Variants in RFNG observed in about 807,000 individuals in gnomAD.
RFNG encodes the protein beta-1,3-N-acetylglucosaminyltransferase radical fringe.
A neutral mutation model predicts 29.6 loss-of-function variants in RFNG; 37 were observed. That is an observed-to-expected ratio of 1.25 (90% CI 0.96 to 1.65). The LOEUF (loss-of-function observed/expected upper bound fraction) is 1.65. RFNG is among the 40% of genes most tolerant of loss of function. The pLI is 0.00. For missense variants in RFNG, 546 were observed against 457.0 expected, an observed-to-expected ratio of 1.19 and a Z score of -1.78; for synonymous variants, 276 against 197.3, an observed-to-expected ratio of 1.40 and a Z score of -3.34.
intron 4 of RFNG, 196 bp from the exon 5 acceptor site, chr17:82,050,202 C>T (rs2030264204): frequency 1.3e-6 from 1 of 783,042 alleles, no homozygotes; most frequent in African/African-American, 1.7e-5. Flanking sequence ...CCCACCTGGC[C>T]CAGACACCCC....
chr17:82,051,402 C>T lies in RFNG; in HGVS notation c.268-60G>A. On this transcript the variant is annotated intron_variant, in intron 1 of 7. Transcript: ENST00000310496. This position sits in a 1 kb window ranked among gnomAD's most constrained non-coding sequence, Gnocchi z 4.1. ...GCTGCCCAGGCCGGAGACCGACCCG[C>T]CCCGCGCGGAGCCTCCGGGGGCCTG... is the stretch of plus-strand genomic sequence containing the variant. 1.4e-6 allele frequency: 2 copies of T among 1,410,174 alleles called. No homozygotes were observed. Among genetic ancestry groups the T allele is most frequent in the Non-Finnish European group, 1.8e-6 (2 of 1,084,860 alleles). 87.4% of individuals were successfully genotyped at this position (1,410,174 alleles called of 1,614,324 possible). A position where few individuals can be genotyped will look rare whatever the true frequency, so the allele number is the denominator to read the frequency against.
At position 82,048,315 on chromosome 17, in the gene RFNG, G is replaced by T. The variant is rs1568027622; in HGVS notation, c.*411C>A. 4.4e-6 allele frequency: 1 copy of T among 227,166 alleles called. No individual in the cohort carries two copies. The allele number at this position is 227,166 out of a possible 1,614,324, so 14.1% of individuals were successfully genotyped here. ...GCCTGCCAGGCTGAGCCCTTGCAAT[G>T]GCCGTGGCTGGGCCAGGACCTTGGC... On this transcript the variant is annotated 3_prime_UTR_variant, in exon 8 of 8. Coordinates refer to ENST00000310496, the MANE Select transcript of RFNG (RefSeq NM_002917.2).
Position 82,049,025 on chromosome 17 carries a change from A to G in RFNG, c.914+6T>C, listed in dbSNP as rs115326368. The G allele has an allele frequency of 2.9e-4, 467 of 1,612,416 alleles. No homozygotes were observed. In the African/African-American group the frequency reaches 5.3e-3, roughly 18 times the overall value. ...CGAGGGCCTGCCCATGCCACTACCT[A>G]CTCACCGTGTGGGGTCTTGATGCAG... On this transcript the variant is annotated splice_donor_region_variant and intron_variant, in intron 7 of 7. Transcript: ENST00000310496.
chr17:82,051,281 G>T lies in RFNG; in HGVS notation c.316+13C>A. 1 of 1,381,562 alleles carries T rather than the reference G, an allele frequency of 7.2e-7. No homozygotes were observed. Among genetic ancestry groups the T allele is most frequent in the Non-Finnish European group, 9.4e-7 (1 of 1,066,438 alleles). 85.6% of individuals were successfully genotyped at this position (1,381,562 alleles called of 1,614,324 possible). A position where few individuals can be genotyped will look rare whatever the true frequency, so the allele number is the denominator to read the frequency against. On this transcript the variant is annotated intron_variant, in intron 2 of 7. Transcript: ENST00000310496. The surrounding 1 kb of genome is among the most constrained non-coding windows in gnomAD (Gnocchi z 4.1). ...GCAGATCCCGCGGGCGCCGGGGAGT[G>T]GGGGACACTCACCGCCCTGGAGCTC... is the stretch of plus-strand genomic sequence containing the variant.
intron 6 of RFNG, chr17:82,049,372 T>C (rs2144195189): frequency 1.4e-6 from 1 of 698,378 alleles, no homozygotes; most frequent in Non-Finnish European, 2.6e-6. Context: ...CTGCTCCACG[T>C]GATGGGACCT....
chr17:82,049,019 C>T lies in RFNG; in HGVS notation c.914+12G>A. The T allele has an allele frequency of 6.2e-7, 1 of 1,611,716 alleles. No homozygotes were observed. The highest frequency in any genetic ancestry group is 8.5e-7 in the Non-Finnish European group (1 of 1,179,620). On this transcript the variant is annotated intron_variant, in intron 7 of 7. Transcript: ENST00000310496. ...CGGGGCCGAGGGCCTGCCCATGCCACTACCTACTCACCGTGTGGGGTCTTG... is the reference window on the plus strand; with the variant it reads ...CGGGGCCGAGGGCCTGCCCATGCCATTACCTACTCACCGTGTGGGGTCTTG...
chr17:82,050,389 C>A lies in RFNG; in HGVS notation c.573+13G>T, dbSNP rs1382170227. 1.9e-6 allele frequency: 3 copies of A among 1,561,558 alleles called. No individual in the cohort carries two copies. The highest frequency in any genetic ancestry group is 2.6e-6 in the Non-Finnish European group (3 of 1,159,712). ...AAGGCGTCTGCTCCGATGGCGTCTG[C>A]TCCGACACTCACAGTTCTGCCACCC... is the stretch of plus-strand genomic sequence containing the variant. On this transcript the variant is annotated intron_variant, in intron 4 of 7. Coordinates refer to ENST00000310496, the MANE Select transcript of RFNG (RefSeq NM_002917.2).
chr17:82,049,132 G>A lies in RFNG; in HGVS notation c.829-16C>T. 1.2e-6 allele frequency: 2 copies of A among 1,606,938 alleles called. No individual in the cohort carries two copies. Among genetic ancestry groups the A allele is most frequent in the Non-Finnish European group, 1.7e-6 (2 of 1,174,620 alleles). ...TCAAGGTAACCTGGGAGGGAAGGGT[G>A]TGGGCAGAGTGTGTGGCCTGGTCTG... On this transcript the variant is annotated splice_polypyrimidine_tract_variant and intron_variant, in intron 6 of 7. Transcript: ENST00000310496.
intron 7 of RFNG, 43 bp downstream of exon 7, chr17:82,048,988 C>G: frequency 6.3e-7 from 1 of 1,581,522 alleles, no homozygotes; most frequent in Non-Finnish European, 8.6e-7. Context: ...GATGCCAGAG[C>G]CCCTGCGGGG....
chr17:82,050,164 G>T, intron 4 of RFNG, 158 bp from the exon 5 acceptor site: 1 of 798,264 alleles, frequency 1.3e-6, no homozygotes. Flanking sequence ...GCTTCTGCAG[G>T]CCATTGACCC....
At position 82,049,231 on chromosome 17, in the gene RFNG, C is replaced by T. The variant is rs770774624; in HGVS notation, c.829-115G>A. The T allele has an allele frequency of 4.8e-6, 4 of 832,820 alleles. No homozygotes were observed. The South Asian group carries it at 5.7e-5, about 12-fold the overall frequency. 51.6% of individuals were successfully genotyped at this position (832,820 alleles called of 1,614,324 possible). A position where few individuals can be genotyped will look rare whatever the true frequency, so the allele number is the denominator to read the frequency against. ...TGCCCACCCCCTCTCCCCAGGCCCT[C>T]GGGGAGGCCAGGCTTGGAAACAGCA... On this transcript the variant is annotated intron_variant, in intron 6 of 7. Transcript: ENST00000310496.
In RFNG at chr17:82,048,642, G is replaced by C. The variant is rs2030068741; in HGVS notation, c.*84C>G. The C allele has an allele frequency of 2.7e-6, 3 of 1,107,940 alleles. No individual in the cohort carries two copies. The highest frequency in any genetic ancestry group is 4.1e-6 in the Non-Finnish European group (3 of 733,978). 68.6% of individuals were successfully genotyped at this position (1,107,940 alleles called of 1,614,324 possible). ...TCTCACTGGTGTGGCCGTGGCACCTGAGGGAGCCCACTGAGCCCATAGGGG... is the reference window on the plus strand; with the variant it reads ...TCTCACTGGTGTGGCCGTGGCACCTCAGGGAGCCCACTGAGCCCATAGGGG... On this transcript the variant is annotated 3_prime_UTR_variant, in exon 8 of 8. Transcript: ENST00000310496.
In RFNG at chr17:82,049,904, G is replaced by A. The variant is rs746516580; in HGVS notation, c.662+14C>T. The A allele has an allele frequency of 1.9e-6, 3 of 1,611,644 alleles. No individual in the cohort carries two copies. Among genetic ancestry groups the A allele is most frequent in the South Asian group, 1.1e-5 (1 of 90,810 alleles). On this transcript the variant is annotated intron_variant, in intron 5 of 7. Coordinates refer to ENST00000310496, the MANE Select transcript of RFNG (RefSeq NM_002917.2). ...CCTCCGCCTCCCAGCCCGGGCAGCT[G>A]GACCCCCACTCACCTGGCCCATGGG... is the stretch of plus-strand genomic sequence containing the variant.
At position 82,050,468 on chromosome 17, in the gene RFNG, G is replaced by A. The variant is rs761195974; in HGVS notation, c.507C>T (p.Val169=). ...LLSSFSPSQD[V]YLGRPSLDHP... ...GGTCCAGGCTGGGCCGCCCCAGGTA[G>A]ACGTCCTGGCTGGGTGAGAAGCTGG... The change falls in exon 4 of 8, where the codon GTC becomes GTT. Residue 169 remains valine, a synonymous_variant. Coordinates refer to ENST00000310496, the MANE Select transcript of RFNG (RefSeq NM_002917.2). The A allele has an allele frequency of 1.6e-5, 26 of 1,612,818 alleles. No individual in the cohort carries two copies. The Admixed American group carries it at 3.5e-4, about 22-fold the overall frequency.
intron 4 of RFNG, 140 bp downstream of exon 4, chr17:82,050,262 C>A (rs983265645): frequency 1.9e-6 from 2 of 1,066,468 alleles, no homozygotes; most frequent in Non-Finnish European, 2.6e-6. Flanking sequence ...TGAAACACCA[C>A]ATGCAAACCA....
chr17:82,050,799 G>A lies in RFNG; in HGVS notation c.317-35C>T, dbSNP rs572165128. ...AGAGACGGGAAGCACGCACGTAGAG[G>A]ATGGCACTGGGGTTGGGGTAAGGCC... is the stretch of plus-strand genomic sequence containing the variant. On this transcript the variant is annotated intron_variant, in intron 2 of 7. Transcript: ENST00000310496. 2.4e-3 allele frequency: 3,788 copies of A among 1,601,220 alleles called. 18 individuals are homozygous for A. In the Middle Eastern group the frequency reaches 0.025, roughly 10 times the overall value.
At chr17:82,048,848 A>T in intron 7 of RFNG, 41 bp from the exon 8 acceptor site, 1 of 1,541,524 alleles carries the variant, frequency 6.5e-7, no homozygotes, top group Non-Finnish European at 8.9e-7. Flanking sequence ...GTGGGCGGAG[A>T]GAGAAGCGGG....
chr17:82,050,232 A>G, intron 4 of RFNG, 170 bp downstream of exon 4: 1 of 869,638 alleles, frequency 1.1e-6, no homozygotes, highest in Non-Finnish European at 1.7e-6. Flanking sequence ...CAGTACGGTG[A>G]GGGCCTCCTG....
In RFNG at chr17:82,049,458, G is replaced by A. The variant is rs542996265; in HGVS notation, c.828+219C>T. ...GGGGCCTCACTGGCCCGAGAACTGTGCTTCTCCCCTCGTTCCTCTGCCCCA... is the reference window on the plus strand; with the variant it reads ...GGGGCCTCACTGGCCCGAGAACTGTACTTCTCCCCTCGTTCCTCTGCCCCA... On this transcript the variant is annotated intron_variant, in intron 6 of 7. Transcript: ENST00000310496. The A allele has an allele frequency of 7.0e-6, 5 of 716,424 alleles. No individual in the cohort carries two copies. In the South Asian group the frequency reaches 7.5e-5, roughly 11 times the overall value. The allele number at this position is 716,424 out of a possible 1,614,324, so 44.4% of individuals were successfully genotyped here.
Sources: gnomAD v4.1 joint callset for allele counts on GRCh38, gnomAD v4.1.1 for gene constraint, Gnocchi (gnomAD v3.1) non-coding constraint, MANE v1.5 for transcripts, NCBI Gene and HGNC (gene_info 2026-07-23, HGNC 2026-07-21) for gene names.